The following RNF121 variants were observed in gnomAD, a reference collection of about 807,000 sequenced individuals.
RNF121 encodes ring finger protein 121.
Under a neutral mutation model 46.5 loss-of-function variants are expected in RNF121, and 21 were observed. The observed-to-expected ratio is 0.45, with a 90% confidence interval of 0.32 to 0.65. RNF121 has a LOEUF of 0.65. RNF121 is among the 30% of genes least tolerant of loss of function. The pLI is 0.04. For missense variants in RNF121, 346 were observed against 416.0 expected, an observed-to-expected ratio of 0.83 and a Z score of 1.46; for synonymous variants, 139 against 144.7, an observed-to-expected ratio of 0.96 and a Z score of 0.28.
chr11:71,995,453 C>A lies in RNF121; in HGVS notation c.765C>A (p.Phe255Leu). ...NTYRLSCNHV[F>L]HEFCIRGWCI... is the part of the protein sequence containing the mutation. ...TCCCTTGACCAGCGGTGCTCAGCTT[C>A]CACGAGTTCTGCATCCGTGGCTGGT... The change falls in exon 8 of 9, where the codon TTC (phenylalanine) becomes TTA (leucine). Residue 255 changes from phenylalanine (F) to leucine (L), a missense_variant. Transcript: ENST00000361756. The A allele has an allele frequency of 6.3e-7, 1 of 1,576,674 alleles. No individual in the cohort carries two copies. Among genetic ancestry groups the A allele is most frequent in the African/African-American group, 1.3e-5 (1 of 74,426 alleles).
At chr11:71,976,647 G>A (rs1481741052) in intron 3 of RNF121, among the ~76,000 whole-genome samples, 2 of 152,024 alleles carry the variant, frequency 1.3e-5, no homozygotes, top group Non-Finnish European at 2.9e-5. Flanking sequence ...CGTGAGCCAC[G>A]GCACCTGGCC....
chr11:71,939,091 A>G (rs1953499043), intron 1 of RNF121: 1 of 153,056 alleles, frequency 6.5e-6, no homozygotes, highest in South Asian at 2.0e-4. Context: ...TTTTGTAGAG[A>G]TGGAGTTTCA....
intron 1 of RNF121, among the ~76,000 whole-genome samples, chr11:71,931,077 G>A (rs375902499): frequency 6.6e-6 from 1 of 152,124 alleles, no homozygotes; most frequent in African/African-American, 2.4e-5. Context: ...CAGGTGAGCC[G>A]CCGATCTTGT....
At chr11:71,956,160 G>A (rs1039934464) in intron 1 of RNF121, among the ~76,000 whole-genome samples, 1 of 152,146 alleles carries the variant, frequency 6.6e-6, no homozygotes, top group Non-Finnish European at 1.5e-5. Flanking sequence ...TCAGAACGTG[G>A]GTAACAGGAC....
intron 3 of RNF121, among the ~76,000 whole-genome samples, chr11:71,970,551 A>G (rs1954399790): frequency 6.6e-6 from 1 of 152,266 alleles, no homozygotes; most frequent in East Asian, 1.9e-4. Context: ...AATGCCAGCT[A>G]CTTGGGAGGC....
Position 71,994,707 on chromosome 11 carries a change from A to C in RNF121, c.628-12A>C. On this transcript the variant is annotated splice_polypyrimidine_tract_variant and intron_variant, in intron 6 of 8. Transcript: ENST00000361756. ...TCTTTTCCTATCTTTCCTTCCTGCTATTCTCCTTCAGTTCTACAGCGAGTC... is the reference window on the plus strand; with the variant it reads ...TCTTTTCCTATCTTTCCTTCCTGCTCTTCTCCTTCAGTTCTACAGCGAGTC... The C allele has an allele frequency of 6.2e-7, 1 of 1,613,748 alleles. No individual in the cohort carries two copies. Among genetic ancestry groups the C allele is most frequent in the Non-Finnish European group, 8.5e-7 (1 of 1,179,862 alleles).
At chr11:71,949,158 C>A (rs114991750) in intron 1 of RNF121, among the ~76,000 whole-genome samples, 3,350 of 152,294 alleles carry the variant, frequency 0.022, 123 homozygotes, top group African/African-American at 0.074. Flanking sequence ...TGGTTCACGC[C>A]TGTAATCCTA....
At chr11:71,943,281 T>C (rs1429286859) in intron 1 of RNF121, among the ~76,000 whole-genome samples, 4 of 152,190 alleles carry the variant, frequency 2.6e-5, no homozygotes, top group Non-Finnish European at 5.9e-5. Flanking sequence ...AATTTTTTGC[T>C]TTGACTTGAG....
intron 6 of RNF121, among the ~76,000 whole-genome samples, chr11:71,991,975 C>T (rs746186345): frequency 7.9e-5 from 12 of 151,770 alleles, no homozygotes; most frequent in Non-Finnish European, 5.9e-5. Flanking sequence ...AAAACCTAGC[C>T]GGGCGTGGTG....
At chr11:71,977,449 G>T (rs1954550842) in intron 3 of RNF121, among the ~76,000 whole-genome samples, 1 of 152,174 alleles carries the variant, frequency 6.6e-6, no homozygotes, top group African/African-American at 2.4e-5. Flanking sequence ...GATGGTTCCA[G>T]CTCTCAGTTA....
intron 6 of RNF121, 151 bp from the exon 7 acceptor site, chr11:71,994,568 A>T: frequency 1.2e-6 from 1 of 855,150 alleles, no homozygotes; most frequent in Non-Finnish European, 1.8e-6. Flanking sequence ...CCTTTTCTAA[A>T]CAGTTTAAAA....
chr11:71,929,095 G>T lies in RNF121; in HGVS notation c.34G>T (p.Gly12Cys), dbSNP rs1332065001. 1 of 1,551,760 alleles carries T rather than the reference G, an allele frequency of 6.4e-7. No homozygotes were observed. Among genetic ancestry groups the T allele is most frequent in the Non-Finnish European group, 8.7e-7 (1 of 1,147,070 alleles). Residue 12 changes from glycine to cysteine, a missense_variant, in exon 1 of 9, where the codon GGT becomes TGT. Gly to Cys is a radical substitution (Grantham distance 159). Around this residue, in one of 2 missense-constraint regions of RNF121, gnomAD observed 60 missense variants for 32.2 expected, o/e 1.86. Transcript: ENST00000361756. ...AGTGGTGGAGGTGGAGGTTGGAGGT[G>T]GTGCTGCTGGGGAACGGGAGCTGGA... The part of the protein sequence containing the change: ...AAVVEVEVGG[G>C]AAGERELDEV...
chr11:71,982,962 G>A, intron 4 of RNF121, 47 bp downstream of exon 4: 1 of 1,536,186 alleles, frequency 6.5e-7, no homozygotes, highest in Non-Finnish European at 8.8e-7. Context: ...CGAAGCTAAT[G>A]GGTTGGAATG....
chr11:71,988,640 TA>T (rs35970528), intron 5 of RNF121, among the ~76,000 whole-genome samples: 49 of 137,680 alleles, frequency 3.6e-4, no homozygotes, highest in African/African-American at 5.4e-4. Flanking sequence ...TCTCAACTCT[TA>T]AAAAAAAAAA....
intron 1 of RNF121, among the ~76,000 whole-genome samples, chr11:71,945,030 C>G (rs1405853158): frequency 6.6e-6 from 1 of 151,988 alleles, no homozygotes; most frequent in African/African-American, 2.4e-5. Flanking sequence ...TTCTGTCACC[C>G]AGGCTGGAGT....
At chr11:71,968,128 C>G (rs572260952) in intron 3 of RNF121, among the ~76,000 whole-genome samples, 11 of 151,530 alleles carry the variant, frequency 7.3e-5, no homozygotes, top group Non-Finnish European at 1.6e-4. Context: ...GTGGCATGCT[C>G]TCGGCTCACT....
chr11:71,953,106 T>C (rs1345397816), intron 1 of RNF121, among the ~76,000 whole-genome samples: 6 of 152,220 alleles, frequency 3.9e-5, no homozygotes, highest in African/African-American at 1.4e-4. Flanking sequence ...TGATCAGGGC[T>C]CACTGCAGCC....
intron 3 of RNF121, among the ~76,000 whole-genome samples, chr11:71,964,535 A>G (rs1053684825): frequency 6.6e-6 from 1 of 151,940 alleles, no homozygotes; most frequent in Non-Finnish European, 1.5e-5. Flanking sequence ...GTGGTGCAGT[A>G]TGGCGATTTC....
At chr11:71,963,602 G>A (rs1256723717) in intron 3 of RNF121, among the ~76,000 whole-genome samples, 1 of 151,998 alleles carries the variant, frequency 6.6e-6, no homozygotes, top group Non-Finnish European at 1.5e-5. Flanking sequence ...CCTGATAACA[G>A]AGCAAGACTC....
Sources: allele counts gnomAD v4.1 joint callset (sites outside exome capture counted in the v4.1 genomes callset), GRCh38; gene constraint gnomAD v4.1.1; regional missense constraint gnomAD v4.1.1; transcripts MANE v1.5; gene names NCBI Gene and HGNC (gene_info 2026-07-23, HGNC 2026-07-21).